The following PTPRD variants were observed in gnomAD, a reference collection of about 807,000 sequenced individuals.
PTPRD encodes protein tyrosine phosphatase receptor type D, also known as receptor-type tyrosine-protein phosphatase delta.
Under a neutral mutation model 214.5 loss-of-function variants are expected in PTPRD, and 34 were observed. That is an observed-to-expected ratio of 0.16 (90% CI 0.12 to 0.21). The LOEUF is 0.21. Ranked by LOEUF, PTPRD falls within the 10% of genes least tolerant of loss-of-function variation. The probability of loss-of-function intolerance (pLI) is 1.00; values close to 1 mark genes in which losing one functional copy is unlikely to be tolerated. For synonymous variants in PTPRD, 1,128 were observed against 845.7 expected (o/e 1.33, Z -5.79); for missense variants, 2,545 against 2,398.7 (o/e 1.06, Z -1.27).
chr9:9,290,753 G>T (rs1950897665), intron 9 of PTPRD, among the ~76,000 whole-genome samples: 1 of 151,486 alleles, frequency 6.6e-6, no homozygotes, highest in Non-Finnish European at 1.5e-5. Context: ...ATGTGGAAAT[G>T]ATTTATAAAC....
chr9:10,277,946 C>A (rs922364760), intron 3 of PTPRD, among the ~76,000 whole-genome samples: 2 of 151,976 alleles, frequency 1.3e-5, no homozygotes, highest in South Asian at 4.2e-4. Context: ...ATCATGAGGT[C>A]GGGAGATCGA....
intron 2 of PTPRD, among the ~76,000 whole-genome samples, chr9:10,387,650 C>T (rs557322361): frequency 5.9e-5 from 9 of 151,732 alleles, no homozygotes; most frequent in Non-Finnish European, 1.2e-4. Flanking sequence ...TACTTTGTGT[C>T]ATTGTACAAT....
intron 10 of PTPRD, among the ~76,000 whole-genome samples, chr9:9,105,163 T>A (rs74919681): frequency 0.018 from 2,793 of 152,272 alleles, 48 homozygotes; most frequent in East Asian, 0.065. Context: ...ATTCTCAAAT[T>A]TTAACTGATG....
chr9:9,450,978 C>CACACACAG (rs2091997202), intron 8 of PTPRD, among the ~76,000 whole-genome samples: 1 of 151,244 alleles, frequency 6.6e-6, no homozygotes, highest in Non-Finnish European at 1.5e-5. Flanking sequence ...CACACACACA[C>CACACACAG]ACACACACAG....
intron 8 of PTPRD, among the ~76,000 whole-genome samples, chr9:9,513,584 T>C (rs1283920673): frequency 8.6e-6 from 1 of 116,186 alleles, no homozygotes; most frequent in East Asian, 2.4e-4. Context: ...TAAAGATATA[T>C]AACAAAAAAA....
chr9:10,015,738 C>A (rs2096695472), intron 4 of PTPRD, among the ~76,000 whole-genome samples: 1 of 152,084 alleles, frequency 6.6e-6, no homozygotes, highest in African/African-American at 2.4e-5. Flanking sequence ...GTGGGGGAAC[C>A]ACAATAGCAG....
intron 9 of PTPRD, among the ~76,000 whole-genome samples, chr9:9,372,835 T>C (rs1466494509): frequency 6.6e-6 from 1 of 152,110 alleles, no homozygotes; most frequent in African/African-American, 2.4e-5. Flanking sequence ...CAGCATTTGC[T>C]TGTTTGTAAA....
intron 5 of PTPRD, among the ~76,000 whole-genome samples, chr9:9,822,668 T>TA (rs1460028141): frequency 2.0e-5 from 3 of 151,922 alleles, no homozygotes; most frequent in Non-Finnish European, 4.4e-5. Context: ...AGTCAAAACA[T>TA]ATCTTCATAA....
At chr9:9,023,379 A>G (rs1432323770) in intron 10 of PTPRD, among the ~76,000 whole-genome samples, 1 of 151,982 alleles carries the variant, frequency 6.6e-6, no homozygotes, top group African/African-American at 2.4e-5. Context: ...CTTTCTTTTT[A>G]CTTTGCACAC....
At chr9:10,179,225 A>G (rs1324125696) in intron 3 of PTPRD, among the ~76,000 whole-genome samples, 7 of 151,648 alleles carry the variant, frequency 4.6e-5, no homozygotes, top group Non-Finnish European at 1.0e-4. Flanking sequence ...AAGAACTTTG[A>G]GCCAGGAATG....
chr9:10,117,533 TG>T (rs1211012201), intron 3 of PTPRD, among the ~76,000 whole-genome samples: 1 of 151,976 alleles, frequency 6.6e-6, no homozygotes, highest in Non-Finnish European at 1.5e-5. Context: ...CTTCAGTTTT[TG>T]GTTAGTTGCA....
intron 10 of PTPRD, among the ~76,000 whole-genome samples, chr9:9,078,199 T>C (rs989252350): frequency 1.3e-5 from 2 of 152,242 alleles, no homozygotes; most frequent in Non-Finnish European, 2.9e-5. Context: ...CATAACATTA[T>C]GTAAACGTCA....
chr9:10,363,346 C>T (rs757609387), intron 2 of PTPRD, among the ~76,000 whole-genome samples: 20 of 152,150 alleles, frequency 1.3e-4, no homozygotes, highest in Non-Finnish European at 2.2e-4. Flanking sequence ...ATCAAAATCA[C>T]TTACAAGTTA....
intron 5 of PTPRD, among the ~76,000 whole-genome samples, chr9:9,846,189 G>A (rs1162944124): frequency 1.3e-5 from 2 of 151,886 alleles, no homozygotes; most frequent in Admixed American, 1.3e-4. Flanking sequence ...ACATTGTATT[G>A]TTCTTACCCA....
intron 14 of PTPRD, among the ~76,000 whole-genome samples, chr9:8,583,307 G>C (rs2093348250): frequency 9.8e-6 from 1 of 101,592 alleles, no homozygotes. Flanking sequence ...CTGTGGCCCA[G>C]GGTTGGGGAC....
In PTPRD at chr9:8,450,164, A is replaced by C. The variant is rs190779020; in HGVS notation, c.3876-327T>G. On this transcript the variant is annotated intron_variant, in intron 33 of 45. Transcript: ENST00000381196. The stretch of plus-strand genomic sequence containing the variant: ...ATTGAGCAATTCTCTCTTATCTACT[A>C]GTTCTATTTGTGAGGAACAGGATAG... Among the ~76,000 whole-genome samples the C allele has an allele frequency of 4.6e-5, 7 of 152,238 alleles. No individual in the cohort carries two copies. The East Asian group carries it at 1.4e-3, about 29-fold the overall frequency.
At chr9:8,645,087 A>G (rs1231542785) in intron 12 of PTPRD, among the ~76,000 whole-genome samples, 1 of 152,248 alleles carries the variant, frequency 6.6e-6, no homozygotes, top group Non-Finnish European at 1.5e-5. Flanking sequence ...ATATTTTGAA[A>G]TATCTTTTAT....
chr9:8,436,451 C>T (rs998058753), intron 35 of PTPRD, 141 bp downstream of exon 35: 70 of 588,922 alleles, frequency 1.2e-4, no homozygotes, highest in African/African-American at 4.5e-4. Flanking sequence ...TTTAAGTTGA[C>T]GGTTCATTAT....
intron 5 of PTPRD, among the ~76,000 whole-genome samples, chr9:9,878,612 G>A (rs1565954978): frequency 6.6e-6 from 1 of 152,116 alleles, no homozygotes; most frequent in East Asian, 1.9e-4. Flanking sequence ...CCTAAGTCCT[G>A]CGTACATTGC....
Sources: gnomAD v4.1 joint callset for allele counts (sites outside exome capture counted in the v4.1 genomes callset) on GRCh38, gnomAD v4.1.1 for gene constraint, MANE v1.5 for transcripts, NCBI Gene and HGNC (gene_info 2026-07-23, HGNC 2026-07-21) for gene names.